The following TPD52L1 variants were observed in gnomAD, a reference collection of about 807,000 sequenced individuals.
TPD52L1 encodes tumor protein D53.
Under a neutral mutation model 28.7 loss-of-function variants are expected in TPD52L1, and 18 were observed. The observed-to-expected ratio is 0.63, with a 90% CI of 0.43 to 0.93. TPD52L1 has a LOEUF of 0.93. Ranked by LOEUF, TPD52L1 falls within the 40% of genes least tolerant of loss-of-function variation. The probability of loss-of-function intolerance (pLI) is 0.00; values close to 1 mark genes in which losing one functional copy is unlikely to be tolerated. For missense variants in TPD52L1, 203 were observed against 254.8 expected (o/e 0.80, Z 1.39); for synonymous variants, 75 against 88.8 (o/e 0.84, Z 0.88).
intron 1 of TPD52L1, among the ~76,000 whole-genome samples, chr6:125,173,425 A>G: frequency 6.6e-6 from 1 of 152,082 alleles, no homozygotes; most frequent in South Asian, 2.1e-4. Context: ...CTCTTGATTA[A>G]ACCCTTTGGA....
chr6:125,253,760 T>C lies in TPD52L1; in HGVS notation c.425+5T>C. 1 of 1,608,794 alleles carries C rather than the reference T, an allele frequency of 6.2e-7. No homozygotes were observed. The highest frequency in any genetic ancestry group is 1.1e-5 in the South Asian group (1 of 90,848). ...CATAAGTATGCCTGCTATGAGGTAATGTGTGTAAAATATTTTATGTAATAT... is the reference window on the plus strand; with the variant it reads ...CATAAGTATGCCTGCTATGAGGTAACGTGTGTAAAATATTTTATGTAATAT... On this transcript the variant is annotated splice_donor_5th_base_variant and intron_variant, in intron 5 of 6. Coordinates refer to ENST00000534000, the MANE Select transcript of TPD52L1 (RefSeq NM_003287.4).
intron 3 of TPD52L1, among the ~76,000 whole-genome samples, chr6:125,244,741 C>T (rs1238125117): frequency 6.6e-6 from 1 of 152,164 alleles, no homozygotes; most frequent in Non-Finnish European, 1.5e-5. Context: ...ACAAGGACCC[C>T]TTCTTTAAGG....
chr6:125,157,363 A>T (rs1000809954), intron 1 of TPD52L1, among the ~76,000 whole-genome samples: 2 of 152,254 alleles, frequency 1.3e-5, no homozygotes, highest in Admixed American at 1.3e-4. Flanking sequence ...TTATGCAAAT[A>T]TGTTCTTTGA....
intron 1 of TPD52L1, among the ~76,000 whole-genome samples, chr6:125,182,827 G>A (rs1792300782): frequency 2.0e-5 from 3 of 152,186 alleles, no homozygotes; most frequent in African/African-American, 7.2e-5. Context: ...GAGGCCCAGG[G>A]AACTTAAGCA....
intron 6 of TPD52L1, 153 bp downstream of exon 6, chr6:125,257,311 ACTATTGAATAGT>A: frequency 3.5e-6 from 2 of 576,310 alleles, no homozygotes; most frequent in South Asian, 5.2e-5. Context: ...GAATAAAACC[ACTATTGAATAGT>A]GTTACTATAT....
intron 4 of TPD52L1, 69 bp downstream of exon 4, chr6:125,248,452 A>G (rs2115036636): frequency 9.1e-7 from 1 of 1,096,548 alleles, no homozygotes; most frequent in Non-Finnish European, 1.4e-6. Flanking sequence ...AGCACTAGCT[A>G]TTAGCTGCTC....
intron 1 of TPD52L1, among the ~76,000 whole-genome samples, chr6:125,192,920 A>T (rs566743339): frequency 1.3e-5 from 2 of 152,348 alleles, no homozygotes; most frequent in South Asian, 4.1e-4. Context: ...CATGGCAAAC[A>T]TTTAATTATA....
chr6:125,202,899 G>T (rs1011504411), intron 1 of TPD52L1, among the ~76,000 whole-genome samples: 1 of 151,460 alleles, frequency 6.6e-6, no homozygotes, highest in Non-Finnish European at 1.5e-5. Context: ...CTGAGTAGCT[G>T]GGATTACAGG....
intron 1 of TPD52L1, among the ~76,000 whole-genome samples, chr6:125,159,563 TG>T (rs1239364594): frequency 6.6e-6 from 1 of 152,230 alleles, no homozygotes; most frequent in East Asian, 1.9e-4. Flanking sequence ...GTTGATATTT[TG>T]ACCACCTCCC....
At chr6:125,234,568 A>G (rs1213937881) in intron 3 of TPD52L1, among the ~76,000 whole-genome samples, 5 of 152,200 alleles carry the variant, frequency 3.3e-5, no homozygotes, top group African/African-American at 9.6e-5. Flanking sequence ...TCAATTATGT[A>G]AGTCAGCAAT....
intron 3 of TPD52L1, among the ~76,000 whole-genome samples, chr6:125,235,044 T>A (rs919662030): frequency 6.6e-6 from 1 of 151,618 alleles, no homozygotes; most frequent in African/African-American, 2.4e-5. Flanking sequence ...CAATGAGCCA[T>A]GTTCACTCCA....
At chr6:125,214,634 A>C (rs945674329) in intron 1 of TPD52L1, among the ~76,000 whole-genome samples, 1 of 152,206 alleles carries the variant, frequency 6.6e-6, no homozygotes, top group African/African-American at 2.4e-5. Context: ...TCAAATGCCA[A>C]AATCCTAAAT....
At chr6:125,199,154 G>T (rs1793632321) in intron 1 of TPD52L1, among the ~76,000 whole-genome samples, 1 of 152,142 alleles carries the variant, frequency 6.6e-6, no homozygotes, top group South Asian at 2.1e-4. Flanking sequence ...AAAGTAAAAG[G>T]TTTTTGTGGT....
chr6:125,172,401 T>C (rs1042392550), intron 1 of TPD52L1, among the ~76,000 whole-genome samples: 14 of 138,992 alleles, frequency 1.0e-4, no homozygotes, highest in Admixed American at 4.6e-4. Context: ...GATCCTCCCA[T>C]GGCAGCCTCC....
intron 5 of TPD52L1, 154 bp downstream of exon 5, chr6:125,253,909 G>GT: frequency 2.4e-6 from 2 of 821,378 alleles, no homozygotes; most frequent in Non-Finnish European, 4.3e-6. Context: ...TGGAAGAATT[G>GT]CGTAGCTTGG....
chr6:125,193,370 G>A (rs1793187482), intron 1 of TPD52L1, among the ~76,000 whole-genome samples: 1 of 152,130 alleles, frequency 6.6e-6, no homozygotes, highest in Non-Finnish European at 1.5e-5. Flanking sequence ...AGGGTGGGGT[G>A]AGGTGTGTCC....
intron 4 of TPD52L1, among the ~76,000 whole-genome samples, chr6:125,251,134 GA>G (rs1266850105): frequency 6.6e-6 from 1 of 152,090 alleles, no homozygotes; most frequent in East Asian, 1.9e-4. Context: ...CCTTAAATGG[GA>G]AAAAATAGTA....
intron 1 of TPD52L1, among the ~76,000 whole-genome samples, chr6:125,207,911 G>A (rs1794251789): frequency 6.6e-6 from 1 of 152,160 alleles, no homozygotes; most frequent in South Asian, 2.1e-4. Flanking sequence ...GTGTTTCTAG[G>A]GAGGACGAGG....
intron 1 of TPD52L1, among the ~76,000 whole-genome samples, chr6:125,174,636 A>T (rs1166533240): frequency 6.6e-6 from 1 of 152,224 alleles, no homozygotes; most frequent in Admixed American, 6.5e-5. Context: ...ATACAAAGCA[A>T]TGTTCATTGT....
Sources: allele counts gnomAD v4.1 joint callset (sites outside exome capture counted in the v4.1 genomes callset), GRCh38; gene constraint gnomAD v4.1.1; transcripts MANE v1.5; gene names NCBI Gene and HGNC (gene_info 2026-07-23, HGNC 2026-07-21).